CHCHD3: variants seen among roughly 807,000 people sequenced by gnomAD.
The protein encoded by CHCHD3 is MICOS complex subunit MIC19.
A neutral mutation model predicts 38.2 loss-of-function variants in CHCHD3; 20 were observed. That is an observed-to-expected ratio of 0.52 (90% CI 0.37 to 0.76). The LOEUF (loss-of-function observed/expected upper bound fraction) is 0.76. Among genes scored for constraint, CHCHD3 ranks in the 30% least tolerant of loss-of-function variants. The probability of loss-of-function intolerance (pLI) is 0.00; values close to 1 mark genes in which losing one functional copy is unlikely to be tolerated. For missense variants in CHCHD3, 245 were observed against 279.2 expected (o/e 0.88, Z 0.87); for synonymous variants, 82 against 100.0 (o/e 0.82, Z 1.07).
chr7:132,821,477 T>C (rs373793931), intron 6 of CHCHD3, among the ~76,000 whole-genome samples: 5 of 152,268 alleles, frequency 3.3e-5, no homozygotes, highest in African/African-American at 9.6e-5. Context: ...ATTGACATTA[T>C]GGCGTGGAAA....
chr7:132,830,662 T>A (rs1312578033), intron 6 of CHCHD3: 2 of 152,226 alleles, frequency 1.3e-5, no homozygotes, highest in African/African-American at 4.8e-5. Context: ...AGTATATTCA[T>A]AAGTACATTA....
At chr7:133,022,780 CT>C (rs1813225179) in intron 3 of CHCHD3, among the ~76,000 whole-genome samples, 1 of 151,002 alleles carries the variant, frequency 6.6e-6, no homozygotes, top group African/African-American at 2.4e-5. Flanking sequence ...TCACTGGCAC[CT>C]TTTATTCATC....
At chr7:132,963,644 T>C (rs550422123) in intron 4 of CHCHD3, among the ~76,000 whole-genome samples, 3 of 149,238 alleles carry the variant, frequency 2.0e-5, no homozygotes, top group South Asian at 4.3e-4. Context: ...AAAAAAAAAA[T>C]TGTAATTTCC....
chr7:132,929,553 C>T (rs1445135542), intron 4 of CHCHD3, among the ~76,000 whole-genome samples: 1 of 152,174 alleles, frequency 6.6e-6, no homozygotes, highest in African/African-American at 2.4e-5. Flanking sequence ...GGCTGCTCTC[C>T]CTAGTTCCAG....
At chr7:133,060,093 C>G (rs1472183250) in intron 2 of CHCHD3, among the ~76,000 whole-genome samples, 5 of 152,192 alleles carry the variant, frequency 3.3e-5, no homozygotes, top group Non-Finnish European at 7.3e-5. Flanking sequence ...ATGGTATCAA[C>G]TTGGAAAGTC....
intron 4 of CHCHD3, among the ~76,000 whole-genome samples, chr7:132,901,971 T>C (rs1809681615): frequency 6.6e-6 from 1 of 152,216 alleles, no homozygotes; most frequent in South Asian, 2.1e-4. Context: ...AGGTCTAACA[T>C]TTAAGTCTTT....
At chr7:132,868,833 C>T (rs888913552) in intron 5 of CHCHD3, among the ~76,000 whole-genome samples, 1 of 152,086 alleles carries the variant, frequency 6.6e-6, no homozygotes, top group African/African-American at 2.4e-5. Context: ...CAGTGGCTGT[C>T]GGAGAGTAAC....
At chr7:132,842,244 G>A (rs777086177) in intron 5 of CHCHD3, among the ~76,000 whole-genome samples, 2 of 152,086 alleles carry the variant, frequency 1.3e-5, no homozygotes, top group Non-Finnish European at 2.9e-5. Flanking sequence ...TCCTGAAAAG[G>A]TTGGCTAAGT....
At chr7:132,873,565 C>T (rs1344246274) in intron 5 of CHCHD3, among the ~76,000 whole-genome samples, 5 of 151,690 alleles carry the variant, frequency 3.3e-5, no homozygotes, top group Admixed American at 6.6e-5. Flanking sequence ...AGGCGGGTGC[C>T]AATGGTGGAT....
At chr7:132,895,809 T>C (rs1343336984) in intron 4 of CHCHD3, among the ~76,000 whole-genome samples, 6 of 152,244 alleles carry the variant, frequency 3.9e-5, no homozygotes, top group African/African-American at 1.4e-4. Context: ...TCTTCATAAA[T>C]TACCCAGTCT....
chr7:132,790,442 G>C (rs904817300), intron 7 of CHCHD3, among the ~76,000 whole-genome samples: 3 of 152,122 alleles, frequency 2.0e-5, no homozygotes, highest in African/African-American at 7.2e-5. Context: ...CTCAGAAAGT[G>C]GTTTAGAAAA....
chr7:132,982,805 AAC>A lies in CHCHD3; in HGVS notation c.252-7521_252-7520del, dbSNP rs1354824481. On this transcript the variant is annotated intron_variant, in intron 3 of 7. Coordinates refer to ENST00000262570, the MANE Select transcript of CHCHD3 (RefSeq NM_017812.4). Reference sequence around the variant, plus strand: ...TTTTAAGTACAGCTGAACCTTCAATAACACACGTTTGGACTGTGTAGAACCAC... The same window carrying A: ...TTTTAAGTACAGCTGAACCTTCAATAACACGTTTGGACTGTGTAGAACCAC... Among the ~76,000 whole-genome samples, 10 of 152,200 alleles carry A rather than the reference AAC, an allele frequency of 6.6e-5. No homozygotes were observed. The South Asian group carries it at 8.3e-4, about 13-fold the overall frequency.
intron 2 of CHCHD3, among the ~76,000 whole-genome samples, chr7:133,050,326 A>G (rs1314157391): frequency 7.5e-6 from 1 of 133,364 alleles, no homozygotes; most frequent in African/African-American, 2.7e-5. Flanking sequence ...TGAGTAACAG[A>G]GGAGGCTGTG....
At chr7:133,078,562 T>C (rs927625249) in intron 1 of CHCHD3, among the ~76,000 whole-genome samples, 3 of 152,148 alleles carry the variant, frequency 2.0e-5, no homozygotes, top group South Asian at 2.1e-4. Flanking sequence ...CAAGTCATTA[T>C]ATGAAAAAAA....
intron 6 of CHCHD3, 98 bp downstream of exon 6, chr7:132,838,301 G>T: frequency 1.3e-6 from 1 of 758,478 alleles, no homozygotes; most frequent in Non-Finnish European, 2.2e-6. Context: ...GTATTCTAGA[G>T]TGCTATATAA....
chr7:132,966,567 T>A (rs959320427), intron 4 of CHCHD3, among the ~76,000 whole-genome samples: 28 of 152,220 alleles, frequency 1.8e-4, no homozygotes, highest in African/African-American at 6.5e-4. Context: ...TATCACATAG[T>A]TTATCACATG....
intron 2 of CHCHD3, among the ~76,000 whole-genome samples, chr7:133,059,322 C>A (rs1389789322): frequency 1.3e-5 from 2 of 152,130 alleles, no homozygotes; most frequent in African/African-American, 4.8e-5. Flanking sequence ...AGGGACCTAC[C>A]TCTAGACACC....
chr7:132,918,544 A>G (rs1431754466), intron 4 of CHCHD3, among the ~76,000 whole-genome samples: 1 of 152,248 alleles, frequency 6.6e-6, no homozygotes, highest in Non-Finnish European at 1.5e-5. Context: ...ATTGTCTCAC[A>G]TGAGTATCAG....
intron 5 of CHCHD3, among the ~76,000 whole-genome samples, chr7:132,851,888 T>C (rs1808227651): frequency 6.6e-6 from 1 of 152,156 alleles, no homozygotes; most frequent in Non-Finnish European, 1.5e-5. Flanking sequence ...TGCACTCCAT[T>C]TTACCCCTGG....
Sources: gnomAD v4.1 joint callset for allele counts (sites outside exome capture counted in the v4.1 genomes callset) on GRCh38, gnomAD v4.1.1 for gene constraint, MANE v1.5 for transcripts, NCBI Gene and HGNC (gene_info 2026-07-23, HGNC 2026-07-21) for gene names.